The following COL4A1 variants were observed in gnomAD, a reference collection of about 807,000 sequenced individuals.
The protein encoded by COL4A1 is collagen alpha-1(IV) chain.
Under a neutral mutation model 216.6 loss-of-function variants are expected in COL4A1, and 40 were observed. The observed-to-expected ratio is 0.18, with a 90% CI of 0.14 to 0.24. The LOEUF (loss-of-function observed/expected upper bound fraction) is 0.24, where lower values mean the gene tolerates loss of function less well. Among genes scored for constraint, COL4A1 ranks in the 10% least tolerant of loss-of-function variants. The pLI is 1.00. For missense variants in COL4A1, 1,628 were observed against 2,196.8 expected (o/e 0.74, Z 5.18); for synonymous variants, 839 against 810.7 (o/e 1.03, Z -0.59).
At chr13:110,155,869 G>A (rs2138421508) in intron 49 of COL4A1, among the ~76,000 whole-genome samples, 1 of 152,270 alleles carries the variant, frequency 6.6e-6, no homozygotes, top group African/African-American at 2.4e-5. Flanking sequence ...CCGAGATTGT[G>A]TCAATGCACT....
chr13:110,180,645 AG>A (rs1286539292), intron 29 of COL4A1, among the ~76,000 whole-genome samples: 1 of 152,280 alleles, frequency 6.6e-6, no homozygotes, highest in African/African-American at 2.4e-5. Flanking sequence ...TTTGCTGAGC[AG>A]AATTTCAAGT....
chr13:110,223,037 T>C (rs764811747), intron 2 of COL4A1, among the ~76,000 whole-genome samples: 7 of 152,136 alleles, frequency 4.6e-5, no homozygotes, highest in Non-Finnish European at 8.8e-5. Context: ...GGTCAGCCTA[T>C]AAATAATGAG....
At chr13:110,237,424 T>C (rs919261811) in intron 2 of COL4A1, among the ~76,000 whole-genome samples, 4 of 152,160 alleles carry the variant, frequency 2.6e-5, no homozygotes, top group Non-Finnish European at 5.9e-5. Context: ...CAGCTGGAGA[T>C]ATATTTATGT....
chr13:110,293,909 T>G lies in COL4A1; in HGVS notation c.84+13035A>C, dbSNP rs187329811. On this transcript the variant is annotated intron_variant, in intron 1 of 51. Transcript: ENST00000375820. ...GTTTCCTTGTTTAAGCCTCTGAGTG[T>G]TCTCACAGCAATAGTTTTCATGTTT... is the stretch of plus-strand genomic sequence containing the variant. Among the ~76,000 whole-genome samples the G allele has an allele frequency of 1.8e-3, 271 of 152,340 alleles. 1 individual carries two copies. Among genetic ancestry groups the G allele is most frequent in the Non-Finnish European group, 2.7e-3 (184 of 68,030 alleles).
At chr13:110,205,958 C>G (rs1879494152) in intron 15 of COL4A1, among the ~76,000 whole-genome samples, 1 of 151,946 alleles carries the variant, frequency 6.6e-6, no homozygotes, top group Non-Finnish European at 1.5e-5. Flanking sequence ...GAAACACAAG[C>G]AAGGTAAATG....
chr13:110,296,451 G>T (rs1383701031), intron 1 of COL4A1, among the ~76,000 whole-genome samples: 1 of 152,172 alleles, frequency 6.6e-6, no homozygotes, highest in South Asian at 2.1e-4. Context: ...AAGTACATAC[G>T]AATATCGATA....
intron 1 of COL4A1, among the ~76,000 whole-genome samples, chr13:110,251,803 TC>T (rs1410401312): frequency 1.3e-5 from 2 of 152,132 alleles, no homozygotes; most frequent in Non-Finnish European, 2.9e-5. Flanking sequence ...ACTTTTCAGA[TC>T]TTGGCCGCAC....
At chr13:110,225,173 C>T (rs535092271) in intron 2 of COL4A1, among the ~76,000 whole-genome samples, 30 of 152,270 alleles carry the variant, frequency 2.0e-4, no homozygotes, top group African/African-American at 7.0e-4. Context: ...TGTGCAGAGC[C>T]GCGTACATAG....
In COL4A1 at chr13:110,213,413, C is replaced by A. The variant is rs1879915104; in HGVS notation, c.279+369G>T. Among the ~76,000 whole-genome samples, 2 of 152,178 alleles carry A rather than the reference C, an allele frequency of 1.3e-5. 1 individual carries two copies. The highest frequency in any genetic ancestry group is 4.1e-4 in the South Asian group (2 of 4,830). On this transcript the variant is annotated intron_variant, in intron 4 of 51. Coordinates refer to ENST00000375820, the MANE Select transcript of COL4A1 (RefSeq NM_001845.6). ...AAGAGCAAGGCTGGCTCTGAAAATA[C>A]CATGACTTTTCCATTAAATGAAGTC...
At chr13:110,169,023 T>C (rs1485608904) in intron 43 of COL4A1, among the ~76,000 whole-genome samples, 1 of 144,022 alleles carries the variant, frequency 6.9e-6, no homozygotes, top group Non-Finnish European at 1.5e-5. Context: ...TATATTCAGG[T>C]GCAGCAAAGA....
chr13:110,194,964 T>C lies in COL4A1; in HGVS notation c.1381+59A>G, dbSNP rs1878820226. On this transcript the variant is annotated intron_variant, in intron 22 of 51. Coordinates refer to ENST00000375820, the MANE Select transcript of COL4A1 (RefSeq NM_001845.6). ...CTTGGCTCCAAAGCCGGTAAGTATG[T>C]GGGAAAAAATCATACGCAAAGACAC... is the stretch of plus-strand genomic sequence containing the variant. The C allele has an allele frequency of 2.7e-6, 4 of 1,491,202 alleles. No homozygotes were observed. In the Admixed American group the frequency reaches 6.9e-5, roughly 26 times the overall value. The allele number at this position is 1,491,202 out of a possible 1,614,324, so 92.4% of individuals were successfully genotyped here. A position where few individuals can be genotyped will look rare whatever the true frequency, so the allele number is the denominator to read the frequency against.
intron 49 of COL4A1, among the ~76,000 whole-genome samples, chr13:110,157,544 G>C (rs931814981): frequency 2.0e-5 from 3 of 152,218 alleles, no homozygotes; most frequent in Non-Finnish European, 4.4e-5. Flanking sequence ...CTACGAGAGG[G>C]AAGTAGAGGC....
chr13:110,219,718 A>ACATATGTG (rs1378237733), intron 2 of COL4A1, among the ~76,000 whole-genome samples: 9 of 142,580 alleles, frequency 6.3e-5, no homozygotes, highest in Non-Finnish European at 1.1e-4. Flanking sequence ...ATATGTGTAT[A>ACATATGTG]TATATGTGTG....
intron 1 of COL4A1, among the ~76,000 whole-genome samples, chr13:110,303,863 G>A (rs1488722579): frequency 6.6e-6 from 1 of 152,250 alleles, no homozygotes; most frequent in Non-Finnish European, 1.5e-5. Flanking sequence ...TGTTCCCGAT[G>A]TGTGTGTGGA....
Position 110,203,546 on chromosome 13 carries a change from G to A in COL4A1, c.999+20C>T. ...CTCCCCCAGCGCTCTCACAGACCCA[G>A]GGACAGCACTCTTACTCACAATTCC... On this transcript the variant is annotated intron_variant, in intron 18 of 51. Coordinates refer to ENST00000375820, the MANE Select transcript of COL4A1 (RefSeq NM_001845.6). 2 of 1,613,986 alleles carry A rather than the reference G, an allele frequency of 1.2e-6. No homozygotes were observed. Among genetic ancestry groups the A allele is most frequent in the Non-Finnish European group, 1.7e-6 (2 of 1,179,962 alleles).
At chr13:110,277,931 A>G (rs1187552954) in intron 1 of COL4A1, among the ~76,000 whole-genome samples, 1 of 152,152 alleles carries the variant, frequency 6.6e-6, no homozygotes, top group Non-Finnish European at 1.5e-5. Context: ...TAAGTAACCC[A>G]TGCTAGCATT....
chr13:110,302,614 G>C (rs555037264), intron 1 of COL4A1, among the ~76,000 whole-genome samples: 26 of 152,170 alleles, frequency 1.7e-4, no homozygotes, highest in Non-Finnish European at 2.9e-4. Context: ...GGAGGGAAAC[G>C]AGGCTGGAAC....
intron 4 of COL4A1, among the ~76,000 whole-genome samples, chr13:110,213,163 T>C (rs1365779336): frequency 6.6e-6 from 1 of 151,884 alleles, no homozygotes; most frequent in African/African-American, 2.4e-5. Flanking sequence ...ACGTAACAGG[T>C]AGAGCGTACA....
chr13:110,157,404 T>C (rs112609303), intron 49 of COL4A1, among the ~76,000 whole-genome samples: 2 of 152,358 alleles, frequency 1.3e-5, no homozygotes, highest in African/African-American at 4.8e-5. Context: ...TTCTAAAATT[T>C]AGCTTTCGGA....
Sources: gnomAD v4.1 joint callset for allele counts (sites outside exome capture counted in the v4.1 genomes callset) on GRCh38, gnomAD v4.1.1 for gene constraint, MANE v1.5 for transcripts, NCBI Gene and HGNC (gene_info 2026-07-23, HGNC 2026-07-21) for gene names.